CD86: variants seen among roughly 807,000 people sequenced by gnomAD.
The protein encoded by CD86 is T-lymphocyte activation antigen CD86.
Under a neutral mutation model 32.1 loss-of-function variants are expected in CD86, and 11 were observed. That is an observed-to-expected ratio of 0.34 (90% CI 0.22 to 0.57). The LOEUF (loss-of-function observed/expected upper bound fraction) is 0.57, where lower values mean the gene tolerates loss of function less well. CD86 is among the 20% of genes least tolerant of loss of function. The pLI is 0.86. For synonymous variants in CD86, 137 were observed against 135.3 expected (o/e 1.01, Z -0.09); for missense variants, 359 against 398.4 (o/e 0.90, Z 0.84).
chr3:122,097,302 A>G (rs2072922885), intron 2 of CD86, among the ~76,000 whole-genome samples: 2 of 152,220 alleles, frequency 1.3e-5, no homozygotes, highest in South Asian at 4.1e-4. Flanking sequence ...AGGAAAAGTG[A>G]CAAAGCCCCT....
intron 6 of CD86, among the ~76,000 whole-genome samples, 196 bp from the exon 7 acceptor site, chr3:122,119,242 G>A (rs1261618315): frequency 1.3e-5 from 2 of 152,194 alleles, no homozygotes; most frequent in East Asian, 3.8e-4. Context: ...CAGAAATAAA[G>A]GGTAGCTCTT....
Position 122,119,606 on chromosome 3 carries a change from T to C in CD86, c.*72T>C. ...TTTGTAAGTTCCTGGGCAACCTTTT[T>C]GATTTCTTCCAGAAGGCAAAAAGAC... On this transcript the variant is annotated 3_prime_UTR_variant, in exon 7 of 7. Transcript: ENST00000330540. The C allele has an allele frequency of 1.0e-6, 1 of 973,944 alleles. No homozygotes were observed. Among genetic ancestry groups the C allele is most frequent in the Non-Finnish European group, 1.6e-6 (1 of 619,828 alleles). The allele number at this position is 973,944 out of a possible 1,614,324, so 60.3% of individuals were successfully genotyped here.
At chr3:122,103,367 G>C in intron 2 of CD86, 145 bp from the exon 3 acceptor site, 1 of 627,270 alleles carries the variant, frequency 1.6e-6, no homozygotes, top group Non-Finnish European at 2.8e-6. Context: ...ATGCCAAGCA[G>C]ATGTGCACAG....
At chr3:122,060,950 T>C (rs1193093347) in intron 1 of CD86, among the ~76,000 whole-genome samples, 1 of 151,904 alleles carries the variant, frequency 6.6e-6, no homozygotes, top group African/African-American at 2.4e-5. Flanking sequence ...CCCATTAGAG[T>C]TTGGAATAGA....
At chr3:122,095,661 C>A (rs570631309) in intron 2 of CD86, among the ~76,000 whole-genome samples, 72 of 152,276 alleles carry the variant, frequency 4.7e-4, no homozygotes, top group Admixed American at 1.2e-3. Context: ...ACAGTCGAGA[C>A]CTATCATTCC....
intron 5 of CD86, among the ~76,000 whole-genome samples, chr3:122,111,308 T>C (rs2073168804): frequency 6.6e-6 from 1 of 152,244 alleles, no homozygotes; most frequent in South Asian, 2.1e-4. Flanking sequence ...CATTGCTTTG[T>C]GGGTACTCCT....
At chr3:122,107,750 C>T (rs1045895592) in intron 4 of CD86, among the ~76,000 whole-genome samples, 2 of 152,182 alleles carry the variant, frequency 1.3e-5, no homozygotes, top group African/African-American at 2.4e-5. Context: ...TCCTTTCTCC[C>T]AGTGTCTTGT....
chr3:122,063,468 A>G (rs2072367044), intron 1 of CD86, among the ~76,000 whole-genome samples: 1 of 152,240 alleles, frequency 6.6e-6, no homozygotes, highest in Admixed American at 6.5e-5. Context: ...AATGAAGTTA[A>G]TAATGACTCC....
intron 5 of CD86, 54 bp from the exon 6 acceptor site, chr3:122,117,994 C>T: frequency 5.3e-6 from 8 of 1,498,046 alleles, no homozygotes; most frequent in Non-Finnish European, 7.4e-6. Flanking sequence ...AACTTTCCTT[C>T]TTTTGGTATC....
chr3:122,085,718 C>G (rs115461934), intron 1 of CD86, among the ~76,000 whole-genome samples: 3,573 of 152,034 alleles, frequency 0.024, 140 homozygotes, highest in African/African-American at 0.074. Flanking sequence ...GGTGGGACAG[C>G]GGAATGCAGA....
chr3:122,060,144 GA>G (rs2072311694), intron 1 of CD86, among the ~76,000 whole-genome samples: 1 of 152,174 alleles, frequency 6.6e-6, no homozygotes, highest in South Asian at 2.1e-4. Context: ...AGGGAGGAGG[GA>G]AAGAAACCAA....
At position 122,119,547 on chromosome 3, in the gene CD86, G is replaced by C. The variant is rs2073310919; in HGVS notation, c.*13G>C. ...TACATGTTTTTAATTAAAGAGTAAAGCCCATACAAGTATTCATTTTTTCTA... is the reference window on the plus strand; with the variant it reads ...TACATGTTTTTAATTAAAGAGTAAACCCCATACAAGTATTCATTTTTTCTA... On this transcript the variant is annotated 3_prime_UTR_variant, in exon 7 of 7. Transcript: ENST00000330540. The C allele has an allele frequency of 6.8e-7, 1 of 1,467,984 alleles. No homozygotes were observed. The highest frequency in any genetic ancestry group is 2.3e-5 in the East Asian group (1 of 44,086). 90.9% of individuals were successfully genotyped at this position (1,467,984 alleles called of 1,614,324 possible).
chr3:122,081,213 A>C (rs1040575473), intron 1 of CD86, among the ~76,000 whole-genome samples: 9 of 152,232 alleles, frequency 5.9e-5, no homozygotes, highest in Admixed American at 2.0e-4. Flanking sequence ...CCTCTGCTGC[A>C]GGCCAGTCAG....
chr3:122,077,501 G>C (rs1335197805), intron 1 of CD86, among the ~76,000 whole-genome samples: 1 of 151,660 alleles, frequency 6.6e-6, no homozygotes, highest in Non-Finnish European at 1.5e-5. Flanking sequence ...TAGAAGTGAA[G>C]CACATGGCCT....
chr3:122,070,401 T>A (rs980373346), intron 1 of CD86, among the ~76,000 whole-genome samples: 1 of 152,156 alleles, frequency 6.6e-6, no homozygotes, highest in Non-Finnish European at 1.5e-5. Context: ...GTGGAGGACA[T>A]GTTAGAGGTT....
At chr3:122,106,643 C>T (rs1281884387) in intron 4 of CD86, 143 bp downstream of exon 4, 3 of 683,456 alleles carry the variant, frequency 4.4e-6, no homozygotes, top group East Asian at 2.6e-5. Context: ...AGATGGAGGT[C>T]TCCTGCTTCT....
At chr3:122,055,935 A>G (rs1220497052) in intron 1 of CD86, among the ~76,000 whole-genome samples, 2 of 152,200 alleles carry the variant, frequency 1.3e-5, no homozygotes, top group Admixed American at 6.5e-5. Context: ...AAAAAGAGGT[A>G]TAAGGAGAAA....
Position 122,119,332 on chromosome 3 carries a change from A to G in CD86, c.894-106A>G. On this transcript the variant is annotated intron_variant, in intron 6 of 6. Coordinates refer to ENST00000330540, the MANE Select transcript of CD86 (RefSeq NM_175862.5). ...TCTCTTCAATAGTTTGTTTCTCCTCATTGCTGTTCCAATGGCAACCTCTAT... is the reference window on the plus strand; with the variant it reads ...TCTCTTCAATAGTTTGTTTCTCCTCGTTGCTGTTCCAATGGCAACCTCTAT... 4.2e-6 allele frequency: 3 copies of G among 715,238 alleles called. No homozygotes were observed. In the African/African-American group the frequency reaches 5.4e-5, roughly 13 times the overall value. 44.3% of individuals were successfully genotyped at this position (715,238 alleles called of 1,614,324 possible).
chr3:122,101,509 A>ATATAT (rs1436647275), intron 2 of CD86, among the ~76,000 whole-genome samples: 187 of 56,764 alleles, frequency 3.3e-3, no homozygotes, highest in East Asian at 7.8e-3. Context: ...AAAAAAAAAA[A>ATATAT]AAAAATATAT....
Sources: gnomAD v4.1 joint callset for allele counts (sites outside exome capture counted in the v4.1 genomes callset) on GRCh38, gnomAD v4.1.1 for gene constraint, MANE v1.5 for transcripts, NCBI Gene and HGNC (gene_info 2026-07-23, HGNC 2026-07-21) for gene names.